DHRS7B: variants seen among roughly 807,000 people sequenced by gnomAD.
DHRS7B encodes the protein dehydrogenase/reductase 7B, also known as peroxisomal reductase activating PPAR-gamma.
A neutral mutation model predicts 26.4 loss-of-function variants in DHRS7B; 24 were observed. The observed-to-expected ratio is 0.91, with a 90% CI of 0.66 to 1.28. DHRS7B has a LOEUF of 1.28. Ranked by LOEUF, DHRS7B falls within the 50% of genes most tolerant of loss-of-function variation. The pLI, the probability that DHRS7B is intolerant of heterozygous loss-of-function variation, is 0.00. For synonymous variants in DHRS7B, 142 were observed against 166.4 expected (o/e 0.85, Z 1.13); for missense variants, 368 against 419.4 (o/e 0.88, Z 1.07).
At chr17:21,173,771 A>G (rs904394661) in intron 2 of DHRS7B, among the ~76,000 whole-genome samples, 1 of 152,126 alleles carries the variant, frequency 6.6e-6, no homozygotes, top group Non-Finnish European at 1.5e-5. Flanking sequence ...CAGTTACTAT[A>G]TATAGGGTGG....
chr17:21,187,068 G>C (rs1442059825), intron 5 of DHRS7B, among the ~76,000 whole-genome samples: 26 of 142,722 alleles, frequency 1.8e-4, no homozygotes, highest in Admixed American at 1.8e-3. Flanking sequence ...CAGTAGAATA[G>C]GTAAGAGTTC....
intron 3 of DHRS7B, among the ~76,000 whole-genome samples, chr17:21,180,204 A>G (rs1259090584): frequency 1.3e-5 from 2 of 151,314 alleles, no homozygotes; most frequent in Non-Finnish European, 2.9e-5. Flanking sequence ...CCTCCCAAAT[A>G]TCTGGGACTA....
chr17:21,156,174 G>T (rs958972779), intron 1 of DHRS7B, among the ~76,000 whole-genome samples: 3 of 152,058 alleles, frequency 2.0e-5, no homozygotes, highest in South Asian at 4.1e-4. Flanking sequence ...ACTAAAAGCT[G>T]GTTCTTTGAA....
chr17:21,142,835 T>G lies in DHRS7B; in HGVS notation c.20+15844T>G, dbSNP rs183896389. Among the ~76,000 whole-genome samples, 1,458 of 152,314 alleles carry G rather than the reference T, an allele frequency of 9.6e-3. 33 individuals are homozygous for G. Among genetic ancestry groups the G allele is most frequent in the African/African-American group, 0.033 (1,376 of 41,562 alleles). On this transcript the variant is annotated intron_variant, in intron 1 of 6. Transcript: ENST00000395511. ...CTGTGAGCAAAGGGATGGCTATGAA[T>G]AGAATAGGTAGATTTGTCTTGAGCA... is the stretch of plus-strand genomic sequence containing the variant.
intron 1 of DHRS7B, chr17:21,128,365 C>T: frequency 6.6e-6 from 1 of 152,138 alleles, no homozygotes; most frequent in Non-Finnish European, 1.5e-5. Flanking sequence ...AGTTCGAGAC[C>T]AGCCTGGCCA....
rs1206439658 is a variant in DHRS7B at position 21,161,158 on chromosome 17, G to GA, written c.21-10858dup. Among the ~76,000 whole-genome samples, 3 of 152,322 alleles carry GA rather than the reference G, an allele frequency of 2.0e-5. No individual in the cohort carries two copies. In the East Asian group the frequency reaches 5.8e-4, roughly 29 times the overall value. ...CAGTATACATTTGTCCAAACCAAGA[G>GA]AATGCATAGCACTGAGAGTGGGCAC... On this transcript the variant is annotated intron_variant, in intron 1 of 6. Coordinates refer to ENST00000395511, the MANE Select transcript of DHRS7B (RefSeq NM_015510.5).
chr17:21,166,331 C>A, intron 1 of DHRS7B: 1 of 985,382 alleles, frequency 1.0e-6, no homozygotes, highest in Non-Finnish European at 1.2e-6. Flanking sequence ...GAAAATACAC[C>A]CCACAGGCCA....
At chr17:21,157,354 C>A (rs1973904001) in intron 1 of DHRS7B, among the ~76,000 whole-genome samples, 1 of 152,046 alleles carries the variant, frequency 6.6e-6, no homozygotes, top group African/African-American at 2.4e-5. Flanking sequence ...TGAAAATGAC[C>A]AAGACCATGA....
chr17:21,166,098 C>T, intron 1 of DHRS7B: 1 of 965,202 alleles, frequency 1.0e-6, no homozygotes, highest in Non-Finnish European at 1.2e-6. Context: ...ATTACAGGGC[C>T]CGGGGCTGGG....
At chr17:21,146,546 AGTATGAT>A (rs1419910267) in intron 1 of DHRS7B, among the ~76,000 whole-genome samples, 7 of 152,330 alleles carry the variant, frequency 4.6e-5, no homozygotes, top group African/African-American at 1.4e-4. Context: ...GCACTCACTT[AGTATGAT>A]GTTGGTATTT....
intron 3 of DHRS7B, among the ~76,000 whole-genome samples, chr17:21,181,133 C>G (rs949443285): frequency 6.6e-6 from 1 of 152,144 alleles, no homozygotes; most frequent in Non-Finnish European, 1.5e-5. Flanking sequence ...GTCATCTAGG[C>G]TAGAGTTCAG....
intron 1 of DHRS7B, among the ~76,000 whole-genome samples, chr17:21,171,380 C>T (rs1162179335): frequency 6.6e-6 from 1 of 152,248 alleles, no homozygotes; most frequent in African/African-American, 2.4e-5. Context: ...GCCACAGGCA[C>T]AGCGGGGCAG....
At chr17:21,154,561 A>G (rs746581032) in intron 1 of DHRS7B, among the ~76,000 whole-genome samples, 12 of 152,230 alleles carry the variant, frequency 7.9e-5, no homozygotes, top group Non-Finnish European at 1.5e-4. Context: ...TCGGAGAGAA[A>G]GAAAATGATA....
At chr17:21,127,138 G>C (rs1973117281) in intron 1 of DHRS7B, 147 bp downstream of exon 1, 1 of 796,146 alleles carries the variant, frequency 1.3e-6, no homozygotes, top group Non-Finnish European at 1.8e-6. Context: ...TCCCCGCGAC[G>C]CCGAACTCTG....
intron 1 of DHRS7B, among the ~76,000 whole-genome samples, chr17:21,151,244 C>T (rs1054556316): frequency 3.0e-4 from 45 of 152,056 alleles, no homozygotes; most frequent in South Asian, 6.2e-4. Flanking sequence ...CGGTGGCTCA[C>T]GCCTGTAATC....
At chr17:21,158,572 C>A (rs534093196) in intron 1 of DHRS7B, among the ~76,000 whole-genome samples, 26 of 152,258 alleles carry the variant, frequency 1.7e-4, no homozygotes, top group African/African-American at 4.8e-4. Flanking sequence ...ATAGATATTC[C>A]ATGTTCACAG....
intron 1 of DHRS7B, 128 bp from the exon 2 acceptor site, chr17:21,171,890 T>C: frequency 8.4e-7 from 1 of 1,192,406 alleles, no homozygotes; most frequent in Non-Finnish European, 1.2e-6. Context: ...GGTCAATGCT[T>C]GCTAGGGCTT....
At chr17:21,164,030 C>CT (rs35189205) in intron 1 of DHRS7B, among the ~76,000 whole-genome samples, 44,700 of 97,074 alleles carry the variant, frequency 0.46, 12,533 homozygotes, top group South Asian at 0.52. Flanking sequence ...AATTGTTGTG[C>CT]TTTTTTTTTT....
intron 3 of DHRS7B, among the ~76,000 whole-genome samples, chr17:21,179,762 C>CTTTTT (rs55928399): frequency 4.4e-5 from 6 of 137,604 alleles, no homozygotes; most frequent in Admixed American, 7.3e-5. Flanking sequence ...TTTTCACTTT[C>CTTTTT]TTTTTTTTTT....
Sources: allele counts gnomAD v4.1 joint callset (sites outside exome capture counted in the v4.1 genomes callset), GRCh38; gene constraint gnomAD v4.1.1; transcripts MANE v1.5; gene names NCBI Gene and HGNC (gene_info 2026-07-23, HGNC 2026-07-21).